Variants in PCDH7 observed in about 807,000 individuals in gnomAD.
The protein encoded by PCDH7 is protocadherin 7.
A neutral mutation model predicts 58.9 loss-of-function variants in PCDH7; 17 were observed. The ratio of observed to expected loss-of-function variants is 0.29; its 90% CI spans 0.20 to 0.43. PCDH7 has a LOEUF of 0.43. Ranked by LOEUF, PCDH7 falls within the 20% of genes least tolerant of loss-of-function variation. The pLI, the probability that PCDH7 is intolerant of heterozygous loss-of-function variation, is 1.00. For synonymous variants in PCDH7, 664 were observed against 616.4 expected (o/e 1.08, Z -1.14); for missense variants, 1,274 against 1,441.0 (o/e 0.88, Z 1.88).
chr4:31,062,396 A>T (rs541233968), intron 3 of PCDH7, among the ~76,000 whole-genome samples: 1 of 151,952 alleles, frequency 6.6e-6, no homozygotes, highest in South Asian at 2.1e-4. Context: ...GGTGCAGGAT[A>T]TTTCTGAAAA....
At chr4:30,988,311 T>G (rs73214959) in intron 3 of PCDH7, among the ~76,000 whole-genome samples, 23,945 of 152,144 alleles carry the variant, frequency 0.16, 2,049 homozygotes, top group Non-Finnish European at 0.19. Context: ...GATGAATTAC[T>G]GAGAATAATT....
chr4:30,814,836 T>G (rs897707021), intron 1 of PCDH7, among the ~76,000 whole-genome samples: 3 of 152,096 alleles, frequency 2.0e-5, no homozygotes, highest in Non-Finnish European at 4.4e-5. Flanking sequence ...AAGAGTGAAT[T>G]AGAGTCATTT....
chr4:30,895,165 C>T (rs1013735969), intron 1 of PCDH7, among the ~76,000 whole-genome samples: 9 of 150,746 alleles, frequency 6.0e-5, no homozygotes, highest in African/African-American at 2.2e-4. Flanking sequence ...TAAATGAGTA[C>T]CAGTTTTGTT....
chr4:30,827,353 T>A (rs1460007191), intron 1 of PCDH7, among the ~76,000 whole-genome samples: 1 of 152,178 alleles, frequency 6.6e-6, no homozygotes, highest in Admixed American at 6.6e-5. Flanking sequence ...CAACTAGTAC[T>A]ATACATAGTG....
intron 1 of PCDH7, 100 bp downstream of exon 1, chr4:30,724,696 A>G: frequency 6.8e-7 from 1 of 1,462,362 alleles, no homozygotes; most frequent in Non-Finnish European, 9.0e-7. Context: ...TTTTAAAGTT[A>G]TTAAAATTTT....
At chr4:30,730,629 G>A (rs1213199770) in intron 1 of PCDH7, 5 of 620,802 alleles carry the variant, frequency 8.1e-6, no homozygotes, top group Non-Finnish European at 1.4e-5. Flanking sequence ...CACAAAGTTG[G>A]CATTAAAATT....
intron 3 of PCDH7, among the ~76,000 whole-genome samples, chr4:31,020,256 T>A (rs940318110): frequency 1.3e-5 from 2 of 152,240 alleles, no homozygotes; most frequent in African/African-American, 4.8e-5. Context: ...GTGAGAATTC[T>A]ATCATGCAGT....
At chr4:31,131,958 C>G (rs1487907380) in intron 3 of PCDH7, among the ~76,000 whole-genome samples, 7 of 152,038 alleles carry the variant, frequency 4.6e-5, no homozygotes, top group Non-Finnish European at 8.8e-5. Flanking sequence ...AAAAAGTAAT[C>G]ACCTTTCAAT....
chr4:31,142,416 CA>C, intron 3 of PCDH7, 56 bp from the exon 3 acceptor site: 1 of 1,286,022 alleles, frequency 7.8e-7, no homozygotes, highest in Non-Finnish European at 1.0e-6. Context: ...TCATATAGAT[CA>C]GGGGAGCCTG....
intron 1 of PCDH7, among the ~76,000 whole-genome samples, chr4:30,802,837 G>A (rs754239627): frequency 1.3e-5 from 2 of 152,038 alleles, no homozygotes; most frequent in Non-Finnish European, 2.9e-5. Context: ...AGCTGACATC[G>A]GAAATCATAA....
At chr4:31,016,976 A>T (rs969192597) in intron 3 of PCDH7, among the ~76,000 whole-genome samples, 3 of 150,322 alleles carry the variant, frequency 2.0e-5, no homozygotes, top group South Asian at 2.1e-4. Flanking sequence ...TGTGTGTGTG[A>T]GAGAGAGAGA....
At chr4:30,895,939 C>G (rs986490730) in intron 1 of PCDH7, among the ~76,000 whole-genome samples, 3 of 152,184 alleles carry the variant, frequency 2.0e-5, no homozygotes, top group African/African-American at 7.2e-5. Flanking sequence ...TGATGCTTTA[C>G]TTCTTCCGCT....
chr4:31,093,996 A>G (rs1239234153), intron 3 of PCDH7, among the ~76,000 whole-genome samples: 1 of 152,132 alleles, frequency 6.6e-6, no homozygotes, highest in Non-Finnish European at 1.5e-5. Context: ...TGTTTTTGGA[A>G]GACATGCATT....
chr4:30,846,910 G>A (rs573426630), intron 1 of PCDH7, among the ~76,000 whole-genome samples: 20 of 152,124 alleles, frequency 1.3e-4, no homozygotes, highest in African/African-American at 4.3e-4. Flanking sequence ...GATTGCTTGA[G>A]GCCAGAAGTT....
chr4:30,993,846 C>T (rs1207608142), intron 3 of PCDH7, among the ~76,000 whole-genome samples: 2 of 151,766 alleles, frequency 1.3e-5, no homozygotes, highest in Non-Finnish European at 2.9e-5. Context: ...TATTTAAAAC[C>T]TGCAATGCCC....
chr4:30,979,766 T>C (rs949778794), intron 3 of PCDH7, among the ~76,000 whole-genome samples: 3 of 152,090 alleles, frequency 2.0e-5, no homozygotes, highest in African/African-American at 7.2e-5. Context: ...CTGTTTTGTA[T>C]CTCTCCCACC....
chr4:30,894,478 AAAAAAAAAAAAAATATATATATAT>A (rs1470957753), intron 1 of PCDH7, among the ~76,000 whole-genome samples: 6 of 53,424 alleles, frequency 1.1e-4, no homozygotes, highest in Admixed American at 2.6e-4. Context: ...AAAAAAAAAA[AAAAAAAAAAAAAATATATATATAT>A]ATATATATAT....
Position 30,857,693 on chromosome 4 carries a change from A to C in PCDH7, c.71-62460A>C, listed in dbSNP as rs937961664. ...TTATGAGTATCCTGACAGTTCATTAAGTGTGTTTTCCTCTACCTCATACTG... is the reference window on the plus strand; with the variant it reads ...TTATGAGTATCCTGACAGTTCATTACGTGTGTTTTCCTCTACCTCATACTG... On this transcript the variant is annotated intron_variant, in intron 1 of 3. Coordinates refer to the PCDH7 transcript ENST00000509759. Among the ~76,000 whole-genome samples, 11 of 152,110 alleles carry C rather than the reference A, an allele frequency of 7.2e-5. No individual in the cohort carries two copies. The South Asian group carries it at 2.3e-3, about 31-fold the overall frequency.
chr4:30,786,716 AT>A, intron 1 of PCDH7: 1 of 978,022 alleles, frequency 1.0e-6, no homozygotes, highest in Non-Finnish European at 1.2e-6. Context: ...ATATTTTTGT[AT>A]TTTTTATAGG....
Sources: allele counts gnomAD v4.1 joint callset (sites outside exome capture counted in the v4.1 genomes callset), GRCh38; gene constraint gnomAD v4.1.1; transcripts MANE v1.5; gene names NCBI Gene and HGNC (gene_info 2026-07-23, HGNC 2026-07-21).